The following TTC7A variants were observed in gnomAD, a reference collection of about 807,000 sequenced individuals.
TTC7A encodes the protein tetratricopeptide repeat domain 7A.
In TTC7A, 110 loss-of-function variants were observed where a neutral mutation model predicts 103.7. That is an observed-to-expected ratio of 1.06 (90% CI 0.91 to 1.24). The LOEUF is 1.24. Ranked by LOEUF, TTC7A falls within the 50% of genes most tolerant of loss-of-function variation. The pLI is 0.00. For missense variants in TTC7A, 1,340 were observed against 1,116.3 expected, an observed-to-expected ratio of 1.20 and a Z score of -2.86; for synonymous variants, 521 against 467.9, an observed-to-expected ratio of 1.11 and a Z score of -1.47.
intron 16 of TTC7A, chr2:47,046,693 TG>T (rs1257674322): frequency 4.2e-6 from 2 of 479,042 alleles, no homozygotes; most frequent in African/African-American, 3.9e-5. Flanking sequence ...TCTTGAGCAC[TG>T]GAGCTGGGTG....
At chr2:47,000,042 A>C in intron 8 of TTC7A, 12 of 316,492 alleles carry the variant, frequency 3.8e-5, no homozygotes, top group Non-Finnish European at 5.0e-5. Flanking sequence ...CGGTTTTCTC[A>C]TCTGTAAAAT....
At chr2:46,921,084 C>T (rs1012407607) in intron 2 of TTC7A, among the ~76,000 whole-genome samples, 2 of 152,120 alleles carry the variant, frequency 1.3e-5, no homozygotes, top group African/African-American at 4.8e-5. Flanking sequence ...AGACTGAATG[C>T]TTTTCCCTTA....
chr2:47,049,037 A>G (rs1682600312), intron 16 of TTC7A, among the ~76,000 whole-genome samples: 1 of 152,170 alleles, frequency 6.6e-6, no homozygotes, highest in South Asian at 2.1e-4. Flanking sequence ...CCCAGACCCG[A>G]GTTGAAGCCA....
rs930904443 is a variant in TTC7A, at chr2:46,958,449, GC to G, written c.517+1443del. On this transcript the variant is annotated intron_variant, in intron 3 of 19. Transcript: ENST00000319190. ...TTTCCGGGACTTTCTCCTGAGCCTGGCTCAGGATGGATTGCCCCCTGTCTCC... is the reference window on the plus strand; with the variant it reads ...TTTCCGGGACTTTCTCCTGAGCCTGGTCAGGATGGATTGCCCCCTGTCTCC... 27 of 1,290,772 alleles carry G rather than the reference GC, an allele frequency of 2.1e-5. No individual in the cohort carries two copies. The African/African-American group carries it at 4.1e-4, about 20-fold the overall frequency. The allele number at this position is 1,290,772 out of a possible 1,614,324, so 80.0% of individuals were successfully genotyped here.
chr2:47,011,621 C>G (rs940787316), intron 11 of TTC7A, among the ~76,000 whole-genome samples, 186 bp downstream of exon 11: 8 of 152,174 alleles, frequency 5.3e-5, no homozygotes, highest in Admixed American at 2.0e-4. Flanking sequence ...TGGCAGGGTC[C>G]CCTGACTCAG....
chr2:47,051,667 G>A, intron 17 of TTC7A, 79 bp from the exon 18 acceptor site: 1 of 1,506,782 alleles, frequency 6.6e-7, no homozygotes, highest in East Asian at 2.3e-5. Flanking sequence ...TCCCCATGGT[G>A]CTGGGCAATG....
chr2:46,976,354 G>A (rs1572785495), intron 4 of TTC7A, among the ~76,000 whole-genome samples: 1 of 152,216 alleles, frequency 6.6e-6, no homozygotes, highest in African/African-American at 2.4e-5. Flanking sequence ...GTGAATGCTC[G>A]TGGGGAAGAT....
At chr2:47,050,216 G>A in intron 17 of TTC7A, 170 bp downstream of exon 17, 1 of 620,350 alleles carries the variant, frequency 1.6e-6, no homozygotes, top group Admixed American at 2.5e-5. Context: ...TCTGGGTAGG[G>A]GCTGGCTGCT....
upstream of TTC7A, chr2:46,915,872 G>A (rs981812078): frequency 1.7e-5 from 16 of 967,506 alleles, no homozygotes; most frequent in African/African-American, 2.4e-4. Flanking sequence ...GCCCATTGGC[G>A]CCGCCGGGCC....
At position 46,926,466 on chromosome 2, in the gene TTC7A, T is replaced by C. The variant is rs117177429; in HGVS notation, c.82+9189T>C. 1.1e-3 allele frequency among the ~76,000 whole-genome samples: 174 copies of C among 152,260 alleles called. 5 individuals are homozygous for C. In the East Asian group the frequency reaches 0.028, roughly 24 times the overall value. On this transcript the variant is annotated intron_variant, in intron 2 of 20. Coordinates refer to the TTC7A transcript ENST00000409245. ...GGGGCACTTAAGCCTATGGTGAGGA[T>C]AGGGAGAGTCAAGGAAGACTTCCCT...
chr2:47,021,908 A>T lies in TTC7A; in HGVS notation c.1439A>T (p.Glu480Val), dbSNP rs755118898. The stretch of plus-strand genomic sequence containing the variant: ...GCCATGATGGTGATCAGCCTCGGAG[A>T]GGAAGCCGGGGAGTTCCTCCCCAAG... ...HFAMMVISLG[E>V]EAGEFLPKGY... The change falls in exon 12 of 20, where the codon GAG becomes GTG. Residue 480 changes from glutamate to valine, a missense_variant. By Grantham distance (121) the Glu-to-Val change is moderately radical. Coordinates refer to ENST00000319190, the MANE Select transcript of TTC7A (RefSeq NM_020458.4). The T allele has an allele frequency of 2.5e-6, 4 of 1,614,146 alleles. No individual in the cohort carries two copies. Among genetic ancestry groups the T allele is most frequent in the Non-Finnish European group, 3.4e-6 (4 of 1,179,990 alleles).
intron 8 of TTC7A, among the ~76,000 whole-genome samples, chr2:47,001,876 A>AT (rs1161061641): frequency 6.9e-6 from 1 of 144,968 alleles, no homozygotes; most frequent in Admixed American, 7.0e-5. Flanking sequence ...AAAAAAAAAA[A>AT]AAAGAGTAAT....
intron 19 of TTC7A, chr2:47,065,775 C>G (rs1684134430): frequency 6.6e-6 from 1 of 152,262 alleles, no homozygotes. Context: ...TCCCTGCCCT[C>G]AGCTTGGCTA....
At chr2:47,003,400 G>A (rs892474146) in intron 8 of TTC7A, among the ~76,000 whole-genome samples, 1 of 152,196 alleles carries the variant, frequency 6.6e-6, no homozygotes, top group African/African-American at 2.4e-5. Flanking sequence ...GGTAGAAGGT[G>A]TCCAGGTTGA....
chr2:46,928,642 C>T (rs557863094), intron 2 of TTC7A, among the ~76,000 whole-genome samples: 1 of 151,932 alleles, frequency 6.6e-6, no homozygotes, highest in Admixed American at 6.6e-5. Flanking sequence ...TGGTGACACA[C>T]ACCTGTGGTC....
At chr2:47,046,919 G>A (rs1682384149) in intron 16 of TTC7A, 1 of 260,844 alleles carries the variant, frequency 3.8e-6, no homozygotes, top group Non-Finnish European at 7.2e-6. Flanking sequence ...CCATTTGGAG[G>A]CTAGAAGAGG....
chr2:47,032,246 G>A (rs1308924630), intron 15 of TTC7A, among the ~76,000 whole-genome samples: 1 of 152,204 alleles, frequency 6.6e-6, no homozygotes, highest in East Asian at 1.9e-4. Context: ...GTGAGCCTGA[G>A]TCCATGGAAA....
At chr2:46,987,303 G>A (rs1675114649) in intron 5 of TTC7A, among the ~76,000 whole-genome samples, 1 of 152,244 alleles carries the variant, frequency 6.6e-6, no homozygotes, top group Non-Finnish European at 1.5e-5. Context: ...GCTGGGGCCA[G>A]GGTCCAGACT....
intron 14 of TTC7A, among the ~76,000 whole-genome samples, chr2:47,026,482 A>T (rs964970878): frequency 6.6e-6 from 1 of 152,206 alleles, no homozygotes; most frequent in Non-Finnish European, 1.5e-5. Context: ...AGCCAGGCAG[A>T]CTGGGGACCC....
Sources: allele counts gnomAD v4.1 joint callset (sites outside exome capture counted in the v4.1 genomes callset), GRCh38; gene constraint gnomAD v4.1.1; transcripts MANE v1.5; gene names NCBI Gene and HGNC (gene_info 2026-07-23, HGNC 2026-07-21).